The following SHANK2 variants were observed in gnomAD, a reference collection of about 807,000 sequenced individuals.
SHANK2 encodes SH3 and multiple ankyrin repeat domains protein 2.
SHANK2 carries 43 observed loss-of-function variants against 133.7 expected under a neutral mutation model. The observed-to-expected ratio is 0.32, with a 90% CI of 0.25 to 0.41. SHANK2 has a LOEUF of 0.41. SHANK2 is among the 10% of genes least tolerant of loss of function. The pLI, the probability that SHANK2 is intolerant of heterozygous loss-of-function variation, is 1.00. For missense variants in SHANK2, 1,994 were observed against 2,235.8 expected (o/e 0.89, Z 2.18); for synonymous variants, 1,017 against 952.8 (o/e 1.07, Z -1.24).
intron 11 of SHANK2, among the ~76,000 whole-genome samples, chr11:70,891,281 G>A (rs1308854990): frequency 1.3e-5 from 2 of 152,160 alleles, no homozygotes; most frequent in South Asian, 2.1e-4. Flanking sequence ...TTGGGAGGCC[G>A]AGGCGGGCAG....
intron 2 of SHANK2, among the ~76,000 whole-genome samples, chr11:71,150,557 ATCT>A (rs1952777614): frequency 6.6e-6 from 1 of 151,976 alleles, no homozygotes; most frequent in African/African-American, 2.4e-5. Context: ...CAATAGTTTA[ATCT>A]TCTATTTAGT....
rs1005225514 is a variant in SHANK2 at position 71,081,841 on chromosome 11, G to T, written c.913-6566C>A. Among the ~76,000 whole-genome samples the T allele has an allele frequency of 5.2e-4, 79 of 152,306 alleles. 1 individual carries two copies. In the South Asian group the frequency reaches 0.016, roughly 31 times the overall value. ...ACACGGGGGCCACAGAGGCTCGGCCGCTCGTGCCCAGGGGCAGACCCTGAG... is the reference window on the plus strand; with the variant it reads ...ACACGGGGGCCACAGAGGCTCGGCCTCTCGTGCCCAGGGGCAGACCCTGAG... On this transcript the variant is annotated intron_variant, in intron 8 of 25. Transcript: ENST00000601538.
intron 10 of SHANK2, among the ~76,000 whole-genome samples, chr11:70,905,810 T>TGG (rs60962605): frequency 7.3e-6 from 1 of 136,760 alleles, no homozygotes; most frequent in African/African-American, 2.8e-5. Flanking sequence ...TATGTTTTTT[T>TGG]TTTTTTTTTT....
chr11:71,207,146 A>G (rs150803117), intron 2 of SHANK2, among the ~76,000 whole-genome samples: 4,708 of 149,896 alleles, frequency 0.031, 100 homozygotes, highest in Non-Finnish European at 0.035. Flanking sequence ...AAAAAATAGG[A>G]ACATTTGGAT....
chr11:70,890,925 C>A (rs1949834016), intron 11 of SHANK2, among the ~76,000 whole-genome samples: 2 of 151,462 alleles, frequency 1.3e-5, no homozygotes, highest in African/African-American at 4.9e-5. Context: ...GATCGTGCCA[C>A]TGCACTCCAG....
intron 3 of SHANK2, among the ~76,000 whole-genome samples, chr11:71,130,312 T>C (rs1436569755): frequency 6.6e-6 from 1 of 152,150 alleles, no homozygotes; most frequent in African/African-American, 2.4e-5. Flanking sequence ...ACATAAACAA[T>C]GGTGGAGCAG....
chr11:71,159,833 A>G (rs1443752153), intron 2 of SHANK2, among the ~76,000 whole-genome samples: 1 of 152,066 alleles, frequency 6.6e-6, no homozygotes, highest in African/African-American at 2.4e-5. Context: ...AAAATACAAA[A>G]AAATTAGCTG....
chr11:71,134,388 G>A (rs1952396030), intron 3 of SHANK2, among the ~76,000 whole-genome samples: 1 of 151,560 alleles, frequency 6.6e-6, no homozygotes, highest in East Asian at 1.9e-4. Flanking sequence ...AAAATCCAAC[G>A]ACTTGCACAC....
At position 70,703,784 on chromosome 11, in the gene SHANK2, C is replaced by A. The variant is rs188668598; in HGVS notation, c.1778-5021G>T. 5.9e-4 allele frequency among the ~76,000 whole-genome samples: 90 copies of A among 152,330 alleles called. 2 individuals are homozygous for A. In the East Asian group the frequency reaches 0.016, roughly 26 times the overall value. On this transcript the variant is annotated intron_variant, in intron 14 of 25. Transcript: ENST00000601538. ...GAGGTCAATTCTGCCTCAGAGCTGA[C>A]CACACCTTCAGCCGCGCATGCACCT...
chr11:70,774,152 C>T (rs1000698276), intron 14 of SHANK2, among the ~76,000 whole-genome samples: 3 of 152,166 alleles, frequency 2.0e-5, no homozygotes, highest in Non-Finnish European at 2.9e-5. Flanking sequence ...CTGATACATG[C>T]TATGGCATGG....
intron 17 of SHANK2, among the ~76,000 whole-genome samples, chr11:70,536,606 T>C (rs900653077): frequency 3.3e-5 from 5 of 152,262 alleles, no homozygotes; most frequent in Non-Finnish European, 7.4e-5. Context: ...GTGTCTCCCA[T>C]GAGCTCCTGG....
At chr11:70,918,609 G>A (rs1289572884) in intron 10 of SHANK2, among the ~76,000 whole-genome samples, 2 of 152,120 alleles carry the variant, frequency 1.3e-5, no homozygotes, top group Non-Finnish European at 2.9e-5. Flanking sequence ...GGGTTCAAGT[G>A]ATTCTCCGGC....
intron 14 of SHANK2, among the ~76,000 whole-genome samples, chr11:70,786,097 C>A (rs957254147): frequency 6.6e-6 from 1 of 152,166 alleles, no homozygotes; most frequent in Non-Finnish European, 1.5e-5. Context: ...CCAACAAACA[C>A]CAGGAGTAAC....
At chr11:71,069,823 C>T (rs1951119038) in intron 9 of SHANK2, among the ~76,000 whole-genome samples, 1 of 152,182 alleles carries the variant, frequency 6.6e-6, no homozygotes, top group Non-Finnish European at 1.5e-5. Context: ...TGTCTTGATT[C>T]AAAGGCACCT....
intron 23 of SHANK2, chr11:70,489,617 C>A: frequency 1.8e-6 from 1 of 541,588 alleles, no homozygotes; most frequent in Non-Finnish European, 3.3e-6. Context: ...GCCTCCACAA[C>A]TCTCACAGGG....
At chr11:70,554,634 C>T (rs997899453) in intron 17 of SHANK2, among the ~76,000 whole-genome samples, 3 of 151,998 alleles carry the variant, frequency 2.0e-5, no homozygotes, top group Admixed American at 6.6e-5. Context: ...GATACTGACA[C>T]ATTATAATTA....
chr11:70,800,354 C>G lies in SHANK2; in HGVS notation c.1664-1798G>C, dbSNP rs79232470. On this transcript the variant is annotated intron_variant, in intron 13 of 25. Coordinates refer to ENST00000601538, the MANE Select transcript of SHANK2 (RefSeq NM_012309.5). ...TCTTACTTAGGACTTTGGTGCTGGG[C>G]CAGGGATGCCCTCAACACCTTCACT... Among the ~76,000 whole-genome samples the G allele has an allele frequency of 7.6e-4, 115 of 152,294 alleles. 1 individual carries two copies. In the East Asian group the frequency reaches 0.018, roughly 24 times the overall value.
intron 10 of SHANK2, among the ~76,000 whole-genome samples, chr11:70,955,124 T>C (rs1200192640): frequency 6.6e-6 from 1 of 152,248 alleles, no homozygotes; most frequent in East Asian, 1.9e-4. Context: ...CTTATTAAAA[T>C]GGAGCCATTC....
chr11:70,921,181 C>T (rs1950346726), intron 10 of SHANK2, among the ~76,000 whole-genome samples: 1 of 152,104 alleles, frequency 6.6e-6, no homozygotes, highest in South Asian at 2.1e-4. Flanking sequence ...ATGCTCCCAC[C>T]AAAAAGAGAA....
Sources: gnomAD v4.1 joint callset for allele counts (sites outside exome capture counted in the v4.1 genomes callset) on GRCh38, gnomAD v4.1.1 for gene constraint, MANE v1.5 for transcripts, NCBI Gene and HGNC (gene_info 2026-07-23, HGNC 2026-07-21) for gene names.